CDH20: variants seen among roughly 807,000 people sequenced by gnomAD.
CDH20 encodes the protein cadherin-20.
CDH20 carries 29 observed loss-of-function variants against 74.2 expected under a neutral mutation model. That is an observed-to-expected ratio of 0.39 (90% confidence interval 0.29 to 0.53). The LOEUF is 0.53. Ranked by LOEUF, CDH20 falls within the 20% of genes least tolerant of loss-of-function variation. The pLI, the probability that CDH20 is intolerant of heterozygous loss-of-function variation, is 0.69. For synonymous variants in CDH20, 469 were observed against 405.4 expected (o/e 1.16, Z -1.88); for missense variants, 988 against 1,048.3 (o/e 0.94, Z 0.79).
chr18:61,437,458 A>G (rs1284440590), intron 1 of CDH20, among the ~76,000 whole-genome samples: 1 of 152,184 alleles, frequency 6.6e-6, no homozygotes, highest in Non-Finnish European at 1.5e-5. Context: ...TTAAATAGAC[A>G]TTATTAAATA....
chr18:61,555,730 C>G lies in CDH20; in HGVS notation c.*1035C>G. The G allele has an allele frequency of 1.1e-6, 1 of 945,292 alleles. No individual in the cohort carries two copies. Among genetic ancestry groups the G allele is most frequent in the Non-Finnish European group, 1.3e-6 (1 of 793,258 alleles). 58.6% of individuals were successfully genotyped at this position (945,292 alleles called of 1,614,324 possible). ...TTTTGGTAATAAATATGATGTACTGCATCTCAGTACCTTAGCACTTCTTTT... is the reference window on the plus strand; with the variant it reads ...TTTTGGTAATAAATATGATGTACTGGATCTCAGTACCTTAGCACTTCTTTT... On this transcript the variant is annotated 3_prime_UTR_variant, in exon 12 of 12. Coordinates refer to ENST00000262717, the MANE Select transcript of CDH20 (RefSeq NM_031891.4).
At chr18:61,397,204 A>C (rs1015286620) in intron 1 of CDH20, among the ~76,000 whole-genome samples, 1 of 151,784 alleles carries the variant, frequency 6.6e-6, no homozygotes, top group Non-Finnish European at 1.5e-5. Context: ...TCTGGAACCC[A>C]CCCACATCTC....
chr18:61,405,583 T>A (rs1389000217), intron 1 of CDH20, among the ~76,000 whole-genome samples: 3 of 152,102 alleles, frequency 2.0e-5, no homozygotes, highest in African/African-American at 4.8e-5. Flanking sequence ...CAAGACCCCA[T>A]CTCTAAATAA....
intron 9 of CDH20, among the ~76,000 whole-genome samples, chr18:61,543,473 T>C (rs1277305556): frequency 1.3e-5 from 2 of 152,172 alleles, no homozygotes; most frequent in African/African-American, 4.8e-5. Flanking sequence ...CCAGCTCCTG[T>C]TCCAGTCGTC....
intron 1 of CDH20, among the ~76,000 whole-genome samples, chr18:61,426,801 C>G (rs1191338361): frequency 1.3e-5 from 2 of 152,170 alleles, no homozygotes; most frequent in African/African-American, 4.8e-5. Context: ...GGGACACGTC[C>G]TCGTGGTTTT....
intron 4 of CDH20, 88 bp downstream of exon 4, chr18:61,500,590 G>T: frequency 3.6e-6 from 5 of 1,396,962 alleles, no homozygotes; most frequent in Non-Finnish European, 4.9e-6. Flanking sequence ...CCTTTTTAAG[G>T]ACTCTCCAGG....
chr18:61,525,903 T>C (rs1912379435), intron 6 of CDH20, among the ~76,000 whole-genome samples: 1 of 149,492 alleles, frequency 6.7e-6, no homozygotes, highest in South Asian at 2.1e-4. Flanking sequence ...GCTCAAACCA[T>C]CCTCCTGCCT....
chr18:61,513,943 C>T (rs1355765223), intron 6 of CDH20, among the ~76,000 whole-genome samples: 2 of 152,058 alleles, frequency 1.3e-5, no homozygotes, highest in African/African-American at 2.4e-5. Context: ...TTTTTTCCTT[C>T]ATTTCAACTT....
chr18:61,402,769 A>G (rs185904058), intron 1 of CDH20, among the ~76,000 whole-genome samples: 7 of 152,324 alleles, frequency 4.6e-5, no homozygotes, highest in Admixed American at 3.3e-4. Context: ...AAATGAATCT[A>G]TCCCCTGGGC....
At chr18:61,463,374 AGG>A (rs1383366959) in intron 1 of CDH20, among the ~76,000 whole-genome samples, 11 of 152,194 alleles carry the variant, frequency 7.2e-5, no homozygotes, top group African/African-American at 2.7e-4. Flanking sequence ...CTCTAAATCA[AGG>A]AATGTTAACC....
rs192926173 is a variant in CDH20, at chr18:61,395,805, C to T, written c.-153+61978C>T. The stretch of plus-strand genomic sequence containing the variant: ...ATCCCAGCACTTTCGGAGGCCAAGG[C>T]GGGCAGATCATGAGGTCAGGAGATC... On this transcript the variant is annotated intron_variant, in intron 1 of 11. Transcript: ENST00000262717. 4.6e-3 allele frequency among the ~76,000 whole-genome samples: 699 copies of T among 152,200 alleles called. 5 individuals are homozygous for T. Among genetic ancestry groups the T allele is most frequent in the African/African-American group, 0.014 (592 of 41,516 alleles).
chr18:61,461,233 T>G (rs1242555210), intron 1 of CDH20, among the ~76,000 whole-genome samples: 1 of 150,482 alleles, frequency 6.6e-6, no homozygotes, highest in East Asian at 1.9e-4. Context: ...TCATTCAAAA[T>G]CGGATCAAAA....
chr18:61,503,257 C>A lies in CDH20; in HGVS notation c.829+137C>A, dbSNP rs1911449101. On this transcript the variant is annotated intron_variant, in intron 5 of 11. Transcript: ENST00000262717. ...AGATTCCTTTCTTACATTCATCATGCAATTCTCGCATAACTATTTGCCTTC... is the reference window on the plus strand; with the variant it reads ...AGATTCCTTTCTTACATTCATCATGAAATTCTCGCATAACTATTTGCCTTC... 4 of 585,012 alleles carry A rather than the reference C, an allele frequency of 6.8e-6. No homozygotes were observed. The South Asian group carries it at 1.1e-4, about 16-fold the overall frequency. The allele number at this position is 585,012 out of a possible 1,614,324, so 36.2% of individuals were successfully genotyped here.
At chr18:61,544,476 T>G (rs554852810) in intron 9 of CDH20, among the ~76,000 whole-genome samples, 18 of 152,298 alleles carry the variant, frequency 1.2e-4, no homozygotes, top group African/African-American at 4.1e-4. Context: ...AGTGCAACGT[T>G]TATTGAGTGG....
chr18:61,364,126 TG>T (rs564221768), intron 1 of CDH20, among the ~76,000 whole-genome samples: 202 of 152,096 alleles, frequency 1.3e-3, no homozygotes, highest in Admixed American at 3.7e-3. Flanking sequence ...CAACTGCTGG[TG>T]GGGGGGAACA....
rs530768598 is a variant in CDH20 at position 61,339,854 on chromosome 18, A to AT, written c.-153+6036dup. On this transcript the variant is annotated intron_variant, in intron 1 of 11. Coordinates refer to ENST00000262717, the MANE Select transcript of CDH20 (RefSeq NM_031891.4). ...AGGTGCCCGCCACCATGCCCAGCTA[A>AT]TTTTTTTTTGCATTTTTAGTAGAGA... Among the ~76,000 whole-genome samples, 1,241 of 150,030 alleles carry AT rather than the reference A, an allele frequency of 8.3e-3. 15 individuals are homozygous for AT. Among genetic ancestry groups the AT allele is most frequent in the African/African-American group, 0.029 (1,177 of 40,878 alleles).
At chr18:61,476,243 C>T (rs921625982) in intron 1 of CDH20, among the ~76,000 whole-genome samples, 1 of 152,124 alleles carries the variant, frequency 6.6e-6, no homozygotes, top group African/African-American at 2.4e-5. Context: ...CTGCCATCCC[C>T]AAAGTCATCA....
In CDH20 at chr18:61,406,683, G is replaced by T. The variant is rs146715893; in HGVS notation, c.-153+72856G>T. The stretch of plus-strand genomic sequence containing the variant: ...AGGTGTCTTTAGGGAGATTATATCT[G>T]AACTTAGTCCTGGAGATTGAAAGGA... On this transcript the variant is annotated intron_variant, in intron 1 of 11. Transcript: ENST00000262717. Among the ~76,000 whole-genome samples the T allele has an allele frequency of 1.0e-3, 154 of 152,344 alleles. 1 individual carries two copies. The highest frequency in any genetic ancestry group is 3.6e-3 in the African/African-American group (151 of 41,590).
chr18:61,430,877 CCA>C (rs1167180965), intron 1 of CDH20, among the ~76,000 whole-genome samples: 1 of 152,082 alleles, frequency 6.6e-6, no homozygotes, highest in Non-Finnish European at 1.5e-5. Flanking sequence ...CTAGAATCAG[CCA>C]TTTCTTCAAG....
Sources: allele counts gnomAD v4.1 joint callset (sites outside exome capture counted in the v4.1 genomes callset), GRCh38; gene constraint gnomAD v4.1.1; transcripts MANE v1.5; gene names NCBI Gene and HGNC (gene_info 2026-07-23, HGNC 2026-07-21).